TEDDM1: variants seen among roughly 807,000 people sequenced by gnomAD.
TEDDM1 encodes transmembrane epididymal protein 1, also known as epididymal protein 9.
For missense variants in TEDDM1, 344 were observed against 318.9 expected, an observed-to-expected ratio of 1.08 and a Z score of -0.60; for synonymous variants, 126 against 128.0, an observed-to-expected ratio of 0.98 and a Z score of 0.11.
rs1650630151 is a variant in TEDDM1, at chr1:182,399,030, T to C, written c.*634A>G. 6.6e-6 allele frequency: 1 copy of C among 152,424 alleles called. No individual in the cohort carries two copies. The highest frequency in any genetic ancestry group is 2.1e-4 in the South Asian group (1 of 4,844). 9.4% of individuals were successfully genotyped at this position (152,424 alleles called of 1,614,324 possible). A position where few individuals can be genotyped will look rare whatever the true frequency, so the allele number is the denominator to read the frequency against. On this transcript the variant is annotated 3_prime_UTR_variant, in exon 1 of 1. Transcript: ENST00000367565. ...GCACCACTTTGGTGAGCACGTAAAG[T>C]ACCCACTTTTCTTTATCAAGATGAG...
In TEDDM1 at chr1:182,399,801, G is replaced by A; in HGVS notation, c.685C>T (p.Pro229Ser). The A allele has an allele frequency of 6.2e-7, 1 of 1,614,152 alleles. No individual in the cohort carries two copies. The highest frequency in any genetic ancestry group is 8.5e-7 in the Non-Finnish European group (1 of 1,180,026). The change falls in exon 1 of 1, where the codon CCC becomes TCC. Residue 229 changes from proline to serine, a missense_variant. By Grantham distance (74) the Pro-to-Ser change is moderately conservative. Transcript: ENST00000367565. ...FSSFWYHCFRPSLKLTGPKEA... is the reference protein window; with the variant it reads ...FSSFWYHCFRSSLKLTGPKEA... ...TTGGGCCCAGTCAGCTTCAAGCTGG[G>A]TCTGAAACAATGATACCAAAAGGAA...
rs781629809 is a variant in TEDDM1, at chr1:182,400,231, G to A, written c.255C>T (p.Asp85=). 1 of 1,614,162 alleles carries A rather than the reference G, an allele frequency of 6.2e-7. No individual in the cohort carries two copies. The highest frequency in any genetic ancestry group is 1.1e-5 in the South Asian group (1 of 91,088). The change falls in exon 1 of 1, where the codon GAC becomes GAT. Residue 85 remains aspartate (D), a synonymous_variant. Coordinates refer to ENST00000367565, the MANE Select transcript of TEDDM1 (RefSeq NM_172000.4). Reference sequence around the variant, plus strand: ...GAGGCAGCACATTCTTGCTCATGAAGTCCACACAGCCATTAAGAGTGAGGA... The same window carrying A: ...GAGGCAGCACATTCTTGCTCATGAAATCCACACAGCCATTAAGAGTGAGGA... The part of the protein sequence containing the change: ...FILLTLNGCV[D]FMSKNVLPQR...
Position 182,399,672 on chromosome 1 carries a change from A to G in TEDDM1, c.814T>C (p.Ser272Pro). The change falls in exon 1 of 1, where the codon TCC (serine) becomes CCC (proline). Residue 272 changes from serine (S) to proline (P), a missense_variant. Ser to Pro is a moderately conservative substitution (Grantham distance 74). Coordinates refer to ENST00000367565, the MANE Select transcript of TEDDM1 (RefSeq NM_172000.4). Reference sequence around the variant, plus strand: ...CCACTGTAGGCCCTGTCTCAGGGGGAGCTCTTTGGAAGGAGGAGAGCCTGG... The same window carrying G: ...CCACTGTAGGCCCTGTCTCAGGGGGGGCTCTTTGGAAGGAGGAGAGCCTGG... ...EDQALLLPKSSP is the reference protein window; with the variant it reads ...EDQALLLPKSPP 1 of 1,612,798 alleles carries G rather than the reference A, an allele frequency of 6.2e-7. No individual in the cohort carries two copies. The highest frequency in any genetic ancestry group is 8.5e-7 in the Non-Finnish European group (1 of 1,179,240).
chr1:182,400,074 A>G lies in TEDDM1; in HGVS notation c.412T>C (p.Phe138Leu), dbSNP rs775028792. The G allele has an allele frequency of 6.2e-7, 1 of 1,614,098 alleles. No individual in the cohort carries two copies. ...GCAGTCAACACCAGCAACAGCAGGA[A>G]CACCACCAAGATGAGCAGAGAATAA... is the stretch of plus-strand genomic sequence containing the variant. ...HVYSLLILVV[F>L]LLLLVLTAEL... is the part of the protein sequence containing the mutation. The change falls in exon 1 of 1, where the codon TTC (phenylalanine) becomes CTC (leucine). Residue 138 changes from phenylalanine to leucine, a missense_variant. Phe to Leu is a conservative substitution (Grantham distance 22). Coordinates refer to ENST00000367565, the MANE Select transcript of TEDDM1 (RefSeq NM_172000.4).
chr1:182,399,671 G>A lies in TEDDM1; in HGVS notation c.815C>T (p.Ser272Phe). Residue 272 changes from serine (S) to phenylalanine (F), a missense_variant, in exon 1 of 1, where the codon TCC (serine) becomes TTC (phenylalanine). Coordinates refer to ENST00000367565, the MANE Select transcript of TEDDM1 (RefSeq NM_172000.4). ...GCCACTGTAGGCCCTGTCTCAGGGG[G>A]AGCTCTTTGGAAGGAGGAGAGCCTG... is the stretch of plus-strand genomic sequence containing the variant. ...EDQALLLPKS[S>F]P The A allele has an allele frequency of 6.2e-7, 1 of 1,613,234 alleles. No homozygotes were observed. The highest frequency in any genetic ancestry group is 8.5e-7 in the Non-Finnish European group (1 of 1,179,400).
In TEDDM1 at chr1:182,400,379, G is replaced by A. The variant is rs774600260; in HGVS notation, c.107C>T (p.Thr36Ile). The stretch of plus-strand genomic sequence containing the variant: ...CACATAAAATGTTAAGAGGGAGCCA[G>A]TCACTATCTTTAGTAATCCTCCATA... Reference protein sequence around the residue: ...IAYGGLLKIVTGSLLTFYVVL... With the variant: ...IAYGGLLKIVIGSLLTFYVVL... The change falls in exon 1 of 1, where the codon ACT (threonine) becomes ATT (isoleucine). Residue 36 changes from threonine (T) to isoleucine (I), a missense_variant. By Grantham distance (89) the Thr-to-Ile change is moderately conservative. Transcript: ENST00000367565. The A allele has an allele frequency of 6.2e-7, 1 of 1,614,200 alleles. No individual in the cohort carries two copies. Among genetic ancestry groups the A allele is most frequent in the South Asian group, 1.1e-5 (1 of 91,082 alleles).
At position 182,398,537 on chromosome 1, in the gene TEDDM1, A is replaced by C. The variant is rs943062848; in HGVS notation, c.*1127T>G. 7.9e-5 allele frequency: 12 copies of C among 152,384 alleles called. No homozygotes were observed. The highest frequency in any genetic ancestry group is 2.9e-4 in the African/African-American group (12 of 41,586). The allele number at this position is 152,384 out of a possible 1,614,324, so 9.4% of individuals were successfully genotyped here. On this transcript the variant is annotated 3_prime_UTR_variant, in exon 1 of 1. Transcript: ENST00000367565. The stretch of plus-strand genomic sequence containing the variant: ...GTTCCAAAACAAGGGAATCAGTAAG[A>C]GTTCTGGAGAAGGCCACCTTGGGGA...
chr1:182,400,124 T>A lies in TEDDM1; in HGVS notation c.362A>T (p.Asp121Val). ...LLLLMVSHVKDSEGVELHVYS... is the reference protein window; with the variant it reads ...LLLLMVSHVKVSEGVELHVYS... ...AACGTGCAGCTCCACCCCTTCTGAA[T>A]CTTTAACATGTGACACCATCAGCAG... The change falls in exon 1 of 1, where the codon GAT becomes GTT. Residue 121 changes from aspartate to valine, a missense_variant. Transcript: ENST00000367565. The A allele has an allele frequency of 6.2e-7, 1 of 1,613,836 alleles. No homozygotes were observed. The highest frequency in any genetic ancestry group is 8.5e-7 in the Non-Finnish European group (1 of 1,179,886).
chr1:182,400,422 T>G lies in TEDDM1; in HGVS notation c.64A>C (p.Arg22=). ...CCTCCATAGGCTATTTTCCACAGCC[T>G]GGCACATCTTTGCTTATTCCTGGGA... ...CSPRNKQRCA[R]LWKIAYGGLL... Residue 22 remains arginine (R), a synonymous_variant, in exon 1 of 1, where the codon AGG becomes CGG. Coordinates refer to ENST00000367565, the MANE Select transcript of TEDDM1 (RefSeq NM_172000.4). 6.2e-7 allele frequency: 1 copy of G among 1,614,082 alleles called. No individual in the cohort carries two copies. The highest frequency in any genetic ancestry group is 2.2e-5 in the East Asian group (1 of 44,888).
Position 182,400,188 on chromosome 1 carries a change from C to T in TEDDM1, c.298G>A (p.Glu100Lys). The change falls in exon 1 of 1, where the codon GAA becomes AAA. Residue 100 changes from glutamate to lysine, a missense_variant. Coordinates refer to ENST00000367565, the MANE Select transcript of TEDDM1 (RefSeq NM_172000.4). Reference protein sequence around the residue: ...NVLPQRCVGLEKGTLVLIIYE... With the variant: ...NVLPQRCVGLKKGTLVLIIYE... ...ATGATCAGGACCAGGGTACCTTTTT[C>T]TAGGCCCACACACCTCTGAGGCAGC... 2 of 1,614,126 alleles carry T rather than the reference C, an allele frequency of 1.2e-6. No individual in the cohort carries two copies. Among genetic ancestry groups the T allele is most frequent in the Non-Finnish European group, 1.7e-6 (2 of 1,180,032 alleles).
At position 182,399,031 on chromosome 1, in the gene TEDDM1, A is replaced by G. The variant is rs910484897; in HGVS notation, c.*633T>C. ...CACCACTTTGGTGAGCACGTAAAGT[A>G]CCCACTTTTCTTTATCAAGATGAGA... On this transcript the variant is annotated 3_prime_UTR_variant, in exon 1 of 1. Transcript: ENST00000367565. The G allele has an allele frequency of 1.3e-5, 2 of 152,380 alleles. No individual in the cohort carries two copies. The highest frequency in any genetic ancestry group is 2.9e-5 in the Non-Finnish European group (2 of 68,202). 9.4% of individuals were successfully genotyped at this position (152,380 alleles called of 1,614,324 possible).
Sources: gnomAD v4.1 joint callset for allele counts on GRCh38, gnomAD v4.1.1 for gene constraint, MANE v1.5 for transcripts, NCBI Gene and HGNC (gene_info 2026-07-23, HGNC 2026-07-21) for gene names.